The following CCDC27 variants were observed in gnomAD, a reference collection of about 807,000 sequenced individuals.
The protein encoded by CCDC27 is coiled-coil domain-containing protein 27.
A neutral mutation model predicts 80.3 loss-of-function variants in CCDC27; 80 were observed. That is an observed-to-expected ratio of 1.00 (90% CI 0.83 to 1.20). The LOEUF is 1.20. Ranked by LOEUF, CCDC27 falls within the 50% of genes most tolerant of loss-of-function variation. The pLI, the probability that CCDC27 is intolerant of heterozygous loss-of-function variation, is 0.00. For missense variants in CCDC27, 815 were observed against 809.4 expected (o/e 1.01, Z -0.08); for synonymous variants, 342 against 334.3 (o/e 1.02, Z -0.25).
chr1:3,754,257 C>A lies in CCDC27; in HGVS notation c.442+16C>A. The A allele has an allele frequency of 6.4e-7, 1 of 1,564,024 alleles. No homozygotes were observed. The highest frequency in any genetic ancestry group is 1.9e-5 in the Admixed American group (1 of 53,402). ...TCCCACTGTGGTAAGAGCCCCCCAC[C>A]AGGACCGCCTGTGAAACTGCCTGTC... On this transcript the variant is annotated intron_variant, in intron 2 of 11. Coordinates refer to ENST00000294600, the MANE Select transcript of CCDC27 (RefSeq NM_152492.3).
In CCDC27 at chr1:3,768,247, G is replaced by A. The variant is rs1024160104; in HGVS notation, c.1743+802G>A. Among the ~76,000 whole-genome samples, 2 of 151,984 alleles carry A rather than the reference G, an allele frequency of 1.3e-5. No individual in the cohort carries two copies. Among genetic ancestry groups the A allele is most frequent in the Admixed American group, 6.6e-5 (1 of 15,248 alleles). On this transcript the variant is annotated intron_variant, in intron 10 of 11. Coordinates refer to ENST00000294600, the MANE Select transcript of CCDC27 (RefSeq NM_152492.3). The surrounding 1 kb of genome is among the most constrained non-coding windows in gnomAD (Gnocchi z 5.6). ...TGAGTAGCTGGGACCACAGGCATGT[G>A]CCACCATACCTGGCCAATTTTAAAA...
chr1:3,764,940 C>T (rs1643192705), intron 8 of CCDC27, among the ~76,000 whole-genome samples: 1 of 150,352 alleles, frequency 6.7e-6, no homozygotes, highest in Non-Finnish European at 1.5e-5. Flanking sequence ...GAGGCCAAGG[C>T]AGGAGAATCG....
chr1:3,763,407 C>G lies in CCDC27; in HGVS notation c.1254C>G (p.Tyr418Ter), dbSNP rs148606883. The G allele has an allele frequency of 3.8e-5, 62 of 1,612,486 alleles. No homozygotes were observed. Among genetic ancestry groups the G allele is most frequent in the Non-Finnish European group, 5.1e-5 (60 of 1,179,780 alleles). Residue 418 changes from tyrosine to a stop codon, truncating the protein, a stop_gained, in exon 7 of 12, where the codon TAC becomes TAG. Coordinates refer to ENST00000294600, the MANE Select transcript of CCDC27 (RefSeq NM_152492.3). LOFTEE classifies it high-confidence loss of function. This position sits in a 1 kb window ranked among gnomAD's most constrained non-coding sequence, Gnocchi z 7.5. ...AGCTGCTGGCCCAGCTGGAGGAGTACGAGCAGGTCATCCTGGACTTCCAGT... is the reference window on the plus strand; with the variant it reads ...AGCTGCTGGCCCAGCTGGAGGAGTAGGAGCAGGTCATCCTGGACTTCCAGT... ...EEELLAQLEEYEQVILDFQFN... is the reference protein window; with the variant it reads ...EEELLAQLEE
Position 3,763,017 on chromosome 1 carries a change from C to T in CCDC27, c.955-91C>T. On this transcript the variant is annotated intron_variant, in intron 6 of 11. Transcript: ENST00000294600. This position sits in a 1 kb window ranked among gnomAD's most constrained non-coding sequence, Gnocchi z 7.5. ...CCTGCAGCAGCCTGGAAGGAGGCGC[C>T]CTCCCCGGTGCCCCCGCCATGAGCA... is the stretch of plus-strand genomic sequence containing the variant. The T allele has an allele frequency of 7.1e-7, 1 of 1,400,140 alleles. No individual in the cohort carries two copies. The highest frequency in any genetic ancestry group is 9.4e-7 in the Non-Finnish European group (1 of 1,067,944). 86.7% of individuals were successfully genotyped at this position (1,400,140 alleles called of 1,614,324 possible).
intron 9 of CCDC27, among the ~76,000 whole-genome samples, chr1:3,767,022 G>A (rs1319634642): frequency 6.6e-5 from 10 of 152,010 alleles, no homozygotes; most frequent in Non-Finnish European, 2.9e-5. Context: ...TGTATTTTTA[G>A]TAGAGACAGG....
chr1:3,770,003 C>T (rs1404252229), intron 11 of CCDC27, 116 bp downstream of exon 11: 1 of 747,028 alleles, frequency 1.3e-6, no homozygotes, highest in African/African-American at 1.7e-5. Flanking sequence ...CTACCTGTGT[C>T]ACCTATTCAC....
chr1:3,771,316 C>A, intron 11 of CCDC27, 85 bp from the exon 12 acceptor site: 1 of 1,565,204 alleles, frequency 6.4e-7, no homozygotes, highest in Non-Finnish European at 8.7e-7. Flanking sequence ...GCGTCCCGGG[C>A]AGCTGGCACG....
In CCDC27 at chr1:3,762,142, G is replaced by A. The variant is rs372633130; in HGVS notation, c.862-478G>A. ...GAGACAGCCTGAGTTTATGCTGGGG[G>A]CCAGAGATGAAGCAGGAACCAGGGG... On this transcript the variant is annotated intron_variant, in intron 5 of 11. Transcript: ENST00000294600. 5.3e-5 allele frequency among the ~76,000 whole-genome samples: 8 copies of A among 152,292 alleles called. No homozygotes were observed. The South Asian group carries it at 1.2e-3, about 24-fold the overall frequency.
chr1:3,757,003 C>A, intron 4 of CCDC27, 113 bp downstream of exon 4: 1 of 1,283,072 alleles, frequency 7.8e-7, no homozygotes, highest in Non-Finnish European at 1.1e-6. Context: ...TTAGCTGCAT[C>A]AAGCAGGTCC....
At chr1:3,755,790 T>C in intron 3 of CCDC27, 1 of 536,046 alleles carries the variant, frequency 1.9e-6, no homozygotes, top group Admixed American at 3.1e-5. Context: ...CCCCTTGTCT[T>C]TAGTAAAAAT....
intron 8 of CCDC27, among the ~76,000 whole-genome samples, chr1:3,764,918 C>T (rs570936835): frequency 5.9e-5 from 9 of 151,896 alleles, no homozygotes; most frequent in African/African-American, 1.9e-4. Context: ...GCCTGTAATC[C>T]CAGCTACTCA....
chr1:3,765,920 G>T (rs1440471520), intron 8 of CCDC27, among the ~76,000 whole-genome samples: 1 of 150,570 alleles, frequency 6.6e-6, no homozygotes, highest in Non-Finnish European at 1.5e-5. Context: ...CCAGGCTGGA[G>T]TTCAGTGGTG....
rs1643146470 is a variant in CCDC27 at position 3,763,500 on chromosome 1, GC to G, written c.1321+27del. ...GTAGGGCCTCGGCGGGGGGCACTGGGCTTTGGCCACTCAGTGGTTCCCGGCC... is the reference window on the plus strand; with the variant it reads ...GTAGGGCCTCGGCGGGGGGCACTGGGTTTGGCCACTCAGTGGTTCCCGGCC... On this transcript the variant is annotated intron_variant, in intron 7 of 11. Transcript: ENST00000294600. The surrounding 1 kb of genome is among the most constrained non-coding windows in gnomAD (Gnocchi z 7.5). The G allele has an allele frequency of 6.4e-7, 1 of 1,565,952 alleles. No individual in the cohort carries two copies. Among genetic ancestry groups the G allele is most frequent in the East Asian group, 2.2e-5 (1 of 44,488 alleles).
In CCDC27 at chr1:3,752,758, A is replaced by G; in HGVS notation, c.277A>G (p.Ser93Gly). Residue 93 changes from serine (S) to glycine (G), a missense_variant, in exon 1 of 12, where the codon AGC (serine) becomes GGC (glycine). Ser to Gly is a moderately conservative substitution (Grantham distance 56). Transcript: ENST00000294600. The part of the protein sequence containing the change: ...WKPHQKPRTL[S>G]KSVQTISRYY... ...ACCGCACCAAAAGCCACGCACGCTC[A>G]GCAAGTCGGTCCAGACCATCAGCCG... 1 of 1,613,672 alleles carries G rather than the reference A, an allele frequency of 6.2e-7. No individual in the cohort carries two copies. The highest frequency in any genetic ancestry group is 8.5e-7 in the Non-Finnish European group (1 of 1,180,008).
At chr1:3,767,154 G>A in intron 9 of CCDC27, 79 bp from the exon 10 acceptor site, 1 of 1,386,560 alleles carries the variant, frequency 7.2e-7, no homozygotes, top group Non-Finnish European at 1.0e-6. Flanking sequence ...CCATCTTTTA[G>A]GAAAAAGTGG....
rs762848277 is a variant in CCDC27, at chr1:3,769,474, G to A, written c.1744-309G>A. On this transcript the variant is annotated intron_variant, in intron 10 of 11. Transcript: ENST00000294600. The surrounding 1 kb of genome is among the most constrained non-coding windows in gnomAD (Gnocchi z 4.6). ...GGCTTCTGTACTATTTTGGTTTGTT[G>A]GTTTAAAAATATATATATATGTGTG... Among the ~76,000 whole-genome samples the A allele has an allele frequency of 2.0e-4, 30 of 152,068 alleles. No individual in the cohort carries two copies. The highest frequency in any genetic ancestry group is 1.2e-3 in the South Asian group (6 of 4,826).
Position 3,763,149 on chromosome 1 carries a change from C to T in CCDC27, c.996C>T (p.Pro332=), listed in dbSNP as rs749723179. 8.1e-5 allele frequency: 121 copies of T among 1,488,124 alleles called. No individual in the cohort carries two copies. Among genetic ancestry groups the T allele is most frequent in the East Asian group, 5.7e-4 (24 of 41,844 alleles). 92.2% of individuals were successfully genotyped at this position (1,488,124 alleles called of 1,614,324 possible). Residue 332 remains proline, a synonymous_variant, in exon 7 of 12, where the codon CCC becomes CCT. Transcript: ENST00000294600. This position sits in a 1 kb window ranked among gnomAD's most constrained non-coding sequence, Gnocchi z 7.5. ...ESAAPERGKE[P]DLGGGEEDEG... is the part of the protein sequence containing the mutation. The stretch of plus-strand genomic sequence containing the variant: ...CGGCACCGGAGAGGGGCAAGGAGCC[C>T]GACCTGGGAGGTGGCGAGGAGGACG...
In CCDC27 at chr1:3,763,657, C is replaced by G. The variant is rs770181155; in HGVS notation, c.1322-49C>G. The G allele has an allele frequency of 4.3e-6, 7 of 1,610,088 alleles. No homozygotes were observed. Among genetic ancestry groups the G allele is most frequent in the Non-Finnish European group, 5.9e-6 (7 of 1,176,858 alleles). On this transcript the variant is annotated intron_variant, in intron 7 of 11. Coordinates refer to ENST00000294600, the MANE Select transcript of CCDC27 (RefSeq NM_152492.3). The surrounding 1 kb of genome is among the most constrained non-coding windows in gnomAD (Gnocchi z 7.5). ...GTGGCCCGGCCCTCTCCTTCTGTCC[C>G]TCACTGCCCCTGCTTGCTCCTGCTC... is the stretch of plus-strand genomic sequence containing the variant.
In CCDC27 at chr1:3,771,533, G is replaced by A; in HGVS notation, c.*10G>A. ...GGGGACCTCCAAGTAGGCCCAGCCAGGCCCCCAAATACGGTCAGCCCAGCA... is the reference window on the plus strand; with the variant it reads ...GGGGACCTCCAAGTAGGCCCAGCCAAGCCCCCAAATACGGTCAGCCCAGCA... On this transcript the variant is annotated 3_prime_UTR_variant, in exon 12 of 12. Transcript: ENST00000294600. The A allele has an allele frequency of 6.2e-7, 1 of 1,612,926 alleles. No homozygotes were observed. The highest frequency in any genetic ancestry group is 8.5e-7 in the Non-Finnish European group (1 of 1,179,944).
Sources: gnomAD v4.1 joint callset for allele counts (sites outside exome capture counted in the v4.1 genomes callset) on GRCh38, gnomAD v4.1.1 for gene constraint, Gnocchi (gnomAD v3.1) non-coding constraint, MANE v1.5 for transcripts, NCBI Gene and HGNC (gene_info 2026-07-23, HGNC 2026-07-21) for gene names.